The following PDE1C variants were observed in gnomAD, a reference collection of about 807,000 sequenced individuals.
PDE1C encodes dual specificity calcium/calmodulin-dependent 3',5'-cyclic nucleotide phosphodiesterase 1C.
A neutral mutation model predicts 93.1 loss-of-function variants in PDE1C; 62 were observed. That is an observed-to-expected ratio of 0.67 (90% CI 0.54 to 0.82). The LOEUF (loss-of-function observed/expected upper bound fraction) is 0.82, where lower values mean the gene tolerates loss of function less well. PDE1C is among the 40% of genes least tolerant of loss of function. The pLI is 0.00. For missense variants in PDE1C, 742 were observed against 884.6 expected, an observed-to-expected ratio of 0.84 and a Z score of 2.04; for synonymous variants, 325 against 310.1, an observed-to-expected ratio of 1.05 and a Z score of -0.50.
In PDE1C at chr7:32,151,077, ATTAC is replaced by A. The variant is rs1801223993; in HGVS notation, c.308+18704_308+18707del. Among the ~76,000 whole-genome samples the A allele has an allele frequency of 2.0e-5, 3 of 152,148 alleles. No individual in the cohort carries two copies. The South Asian group carries it at 6.2e-4, about 32-fold the overall frequency. On this transcript the variant is annotated intron_variant, in intron 3 of 18. Transcript: ENST00000396193. The stretch of plus-strand genomic sequence containing the variant: ...CGTATCTGTAAGAAATCCTAAAAAC[ATTAC>A]TTACTCTGGCCAATAATCAGTATTT...
At chr7:32,155,811 C>T (rs1801536572) in intron 3 of PDE1C, among the ~76,000 whole-genome samples, 1 of 152,188 alleles carries the variant, frequency 6.6e-6, no homozygotes, top group Non-Finnish European at 1.5e-5. Flanking sequence ...GGTCAGACAG[C>T]AGGCAAGGGG....
chr7:31,668,208 C>A, the PDE1C span, among the ~76,000 whole-genome samples: 1 of 151,948 alleles, frequency 6.6e-6, no homozygotes, highest in African/African-American at 2.4e-5. Flanking sequence ...AAATTGGAAC[C>A]CTCTTACATT....
chr7:31,718,958 C>T, the PDE1C span, among the ~76,000 whole-genome samples: 1 of 152,132 alleles, frequency 6.6e-6, no homozygotes, highest in African/African-American at 2.4e-5. Flanking sequence ...CCAAGCAGAC[C>T]CTCAGTTACC....
intron 2 of PDE1C, among the ~76,000 whole-genome samples, chr7:31,973,499 C>T (rs1030666977): frequency 1.1e-4 from 17 of 152,044 alleles, no homozygotes; most frequent in African/African-American, 3.9e-4. Flanking sequence ...ACTGAGAAAA[C>T]TTTGCATAAC....
chr7:32,199,507 C>T (rs1804854636), intron 2 of PDE1C, among the ~76,000 whole-genome samples: 1 of 152,162 alleles, frequency 6.6e-6, no homozygotes, highest in Non-Finnish European at 1.5e-5. Context: ...GGATAGTCTC[C>T]TCAGATATAT....
At chr7:32,267,072 T>C (rs973776623) in intron 1 of PDE1C, among the ~76,000 whole-genome samples, 2 of 152,202 alleles carry the variant, frequency 1.3e-5, no homozygotes, top group Non-Finnish European at 2.9e-5. Flanking sequence ...CTGCCTCAGT[T>C]TCCCTGCCAC....
At chr7:32,146,265 A>G (rs1304499073) in intron 3 of PDE1C, among the ~76,000 whole-genome samples, 2 of 152,182 alleles carry the variant, frequency 1.3e-5, no homozygotes, top group Non-Finnish European at 2.9e-5. Flanking sequence ...CACTGGAGCA[A>G]ATGACCACAA....
chr7:31,919,343 C>T lies in PDE1C; in HGVS notation c.129-38483G>A, dbSNP rs141209167. On this transcript the variant is annotated intron_variant, in intron 2 of 17. Transcript: ENST00000396191. ...TAACTTTAGACAAGTTACTTAACCT[C>T]GATGTGTCTCAGTTACTGTATCTGA... is the stretch of plus-strand genomic sequence containing the variant. Among the ~76,000 whole-genome samples the T allele has an allele frequency of 2.5e-3, 386 of 152,208 alleles. 3 individuals are homozygous for T. Among genetic ancestry groups the T allele is most frequent in the African/African-American group, 8.7e-3 (361 of 41,532 alleles).
intron 1 of PDE1C, among the ~76,000 whole-genome samples, chr7:32,064,068 G>A (rs1482869195): frequency 6.6e-6 from 1 of 152,130 alleles, no homozygotes; most frequent in Non-Finnish European, 1.5e-5. Context: ...TATGTAATCT[G>A]GGGGAAACAA....
chr7:32,398,037 C>T (rs1784868093), intron 1 of PDE1C, among the ~76,000 whole-genome samples: 1 of 152,010 alleles, frequency 6.6e-6, no homozygotes, highest in Admixed American at 6.5e-5. Context: ...CCTGTAGTCC[C>T]AGCTACTCTG....
chr7:32,408,775 C>A lies in PDE1C; in HGVS notation c.310+19047G>T, dbSNP rs556118871. ...CTGCACTCCAGCCTGAGTGACAAAG[C>A]GAGACTCTGTCTCAAAAAAATAAAA... On this transcript the variant is annotated intron_variant, in intron 1 of 1. Transcript: ENST00000672256. Among the ~76,000 whole-genome samples, 472 of 151,702 alleles carry A rather than the reference C, an allele frequency of 3.1e-3. 1 individual carries two copies. Among genetic ancestry groups the A allele is most frequent in the Non-Finnish European group, 5.0e-3 (338 of 67,884 alleles).
At chr7:31,668,888 A>G in the PDE1C span, among the ~76,000 whole-genome samples, 6,990 of 152,270 alleles carry the variant, frequency 0.046, 520 homozygotes, top group African/African-American at 0.16. Flanking sequence ...CTGAGGGGCA[A>G]GGAGTTTCCA....
At chr7:32,246,224 C>T (rs541967161) in intron 1 of PDE1C, among the ~76,000 whole-genome samples, 1 of 152,078 alleles carries the variant, frequency 6.6e-6, no homozygotes, top group East Asian at 1.9e-4. Flanking sequence ...TTGCCTTGGC[C>T]CCCCAAAGTG....
chr7:32,031,865 C>G (rs904059830), intron 2 of PDE1C, among the ~76,000 whole-genome samples: 2 of 152,048 alleles, frequency 1.3e-5, no homozygotes, highest in African/African-American at 4.8e-5. Flanking sequence ...GAGACTGTGT[C>G]CAGACGTTGT....
chr7:32,070,131 A>G (rs1430302613), intron 1 of PDE1C, among the ~76,000 whole-genome samples, 162 bp downstream of exon 1: 2 of 152,190 alleles, frequency 1.3e-5, no homozygotes, highest in Non-Finnish European at 2.9e-5. Flanking sequence ...GTTGGAAGAA[A>G]AGTAGCAGTG....
the PDE1C span, among the ~76,000 whole-genome samples, chr7:31,697,875 G>A: frequency 1.3e-5 from 2 of 152,160 alleles, no homozygotes; most frequent in African/African-American, 4.8e-5. Flanking sequence ...TGCAGACTAA[G>A]AAACAGAGAA....
chr7:32,278,076 A>G (rs1048549389), intron 1 of PDE1C, among the ~76,000 whole-genome samples: 6 of 151,802 alleles, frequency 4.0e-5, no homozygotes, highest in African/African-American at 1.5e-4. Context: ...ATATAGCAAA[A>G]AAAAAAGAAG....
intron 2 of PDE1C, among the ~76,000 whole-genome samples, chr7:31,890,285 G>T (rs1450091621): frequency 6.6e-6 from 1 of 152,218 alleles, no homozygotes; most frequent in East Asian, 1.9e-4. Context: ...CATGTGGAAA[G>T]AATCACTGTC....
intron 2 of PDE1C, among the ~76,000 whole-genome samples, chr7:31,883,379 A>C (rs1412907821): frequency 6.6e-6 from 1 of 152,222 alleles, no homozygotes; most frequent in East Asian, 1.9e-4. Context: ...AAACTGTACC[A>C]AATGGACAAG....
Sources: allele counts gnomAD v4.1 joint callset (sites outside exome capture counted in the v4.1 genomes callset), GRCh38; gene constraint gnomAD v4.1.1; transcripts MANE v1.5; gene names NCBI Gene and HGNC (gene_info 2026-07-23, HGNC 2026-07-21).